The following SLC39A12 variants were observed in gnomAD, a reference collection of about 807,000 sequenced individuals.
The protein encoded by SLC39A12 is zinc transporter ZIP12.
Under a neutral mutation model 71.1 loss-of-function variants are expected in SLC39A12, and 63 were observed. The ratio of observed to expected loss-of-function variants is 0.89; its 90% CI spans 0.72 to 1.09. The LOEUF is 1.09. SLC39A12 is among the 50% of genes least tolerant of loss of function. SLC39A12 has a pLI of 0.00. For synonymous variants in SLC39A12, 351 were observed against 301.3 expected (o/e 1.16, Z -1.71); for missense variants, 892 against 812.6 (o/e 1.10, Z -1.19).
intron 12 of SLC39A12, among the ~76,000 whole-genome samples, chr10:18,020,544 A>G (rs189957689): frequency 8.3e-4 from 127 of 152,260 alleles, no homozygotes; most frequent in Admixed American, 1.5e-3. Flanking sequence ...AGAAATCTCC[A>G]GACTGTTTTC....
intron 12 of SLC39A12, among the ~76,000 whole-genome samples, chr10:18,041,670 T>C (rs1286323037): frequency 3.6e-5 from 4 of 111,934 alleles, no homozygotes; most frequent in African/African-American, 9.9e-5. Context: ...TATGTGTATA[T>C]ATATGTATAT....
At chr10:17,985,809 A>C (rs1835383630) in intron 6 of SLC39A12, among the ~76,000 whole-genome samples, 1 of 151,878 alleles carries the variant, frequency 6.6e-6, no homozygotes, top group South Asian at 2.1e-4. Flanking sequence ...TTTTTCTTTC[A>C]AATAAACTTA....
At chr10:17,987,678 A>G (rs1307564722) in intron 7 of SLC39A12, 27 bp downstream of exon 7, 14 of 1,612,264 alleles carry the variant, frequency 8.7e-6, no homozygotes, top group Non-Finnish European at 1.2e-5. Flanking sequence ...CATTTCAGAT[A>G]AAGTTCACTT....
chr10:18,023,118 G>C (rs1042069088), intron 12 of SLC39A12, among the ~76,000 whole-genome samples: 1 of 152,124 alleles, frequency 6.6e-6, no homozygotes, highest in Non-Finnish European at 1.5e-5. Flanking sequence ...CACAGCCCTG[G>C]AGCAAGCTAA....
chr10:17,967,605 C>T lies in SLC39A12; in HGVS notation c.751+1915C>T, dbSNP rs139664785. Among the ~76,000 whole-genome samples the T allele has an allele frequency of 6.2e-3, 939 of 152,068 alleles. 8 individuals carry two copies. Among genetic ancestry groups the T allele is most frequent in the African/African-American group, 0.017 (717 of 41,482 alleles). On this transcript the variant is annotated intron_variant, in intron 4 of 12. Transcript: ENST00000377369. ...TTTTAAAAATATTTATTTCCCAGGC[C>T]GGGCGCGGTGGCTCACGCCTGTAAT...
chr10:18,043,127 A>G lies in SLC39A12; in HGVS notation c.*294A>G. 5.9e-6 allele frequency: 1 copy of G among 169,986 alleles called. No homozygotes were observed. Among genetic ancestry groups the G allele is most frequent in the Non-Finnish European group, 1.3e-5 (1 of 79,966 alleles). The allele number at this position is 169,986 out of a possible 1,614,324, so 10.5% of individuals were successfully genotyped here. On this transcript the variant is annotated 3_prime_UTR_variant, in exon 13 of 13. Coordinates refer to ENST00000377369, the MANE Select transcript of SLC39A12 (RefSeq NM_001145195.2). ...AATTTTAGTAAACTTTAAAAAATAGATTTTTTCCCTAAGAAAGAATGTTTG... is the reference window on the plus strand; with the variant it reads ...AATTTTAGTAAACTTTAAAAAATAGGTTTTTTCCCTAAGAAAGAATGTTTG...
intron 4 of SLC39A12, among the ~76,000 whole-genome samples, chr10:17,972,785 C>G (rs916383539): frequency 2.7e-5 from 4 of 149,992 alleles, no homozygotes; most frequent in African/African-American, 9.9e-5. Context: ...TTTTTTTTAT[C>G]TATTCTGCTA....
intron 2 of SLC39A12, among the ~76,000 whole-genome samples, chr10:17,960,103 T>G (rs1834649479): frequency 6.6e-6 from 1 of 152,094 alleles, no homozygotes; most frequent in Admixed American, 6.6e-5. Context: ...AGAAAAAAAG[T>G]GAATTTGGAC....
At chr10:17,995,030 A>G (rs761126354) in intron 9 of SLC39A12, among the ~76,000 whole-genome samples, 4 of 152,240 alleles carry the variant, frequency 2.6e-5, no homozygotes, top group Non-Finnish European at 4.4e-5. Context: ...ATCTTACCTC[A>G]TAAAGTCAAT....
chr10:18,003,370 G>A lies in SLC39A12; in HGVS notation c.1947+12G>A. On this transcript the variant is annotated intron_variant, in intron 12 of 12. Coordinates refer to ENST00000377369, the MANE Select transcript of SLC39A12 (RefSeq NM_001145195.2). ...CCTTGGTTGAAATGGTAAGCTTGGT[G>A]GCTTTTCTATTTGATTTTTCTAAGC... The A allele has an allele frequency of 6.3e-7, 1 of 1,588,432 alleles. No individual in the cohort carries two copies. The highest frequency in any genetic ancestry group is 1.2e-5 in the South Asian group (1 of 85,806).
rs138986344 is a variant in SLC39A12 at position 18,017,720 on chromosome 10, G to A, written c.1947+14362G>A. 3.3e-4 allele frequency among the ~76,000 whole-genome samples: 51 copies of A among 152,262 alleles called. No individual in the cohort carries two copies. In the East Asian group the frequency reaches 9.6e-3, roughly 29 times the overall value. ...GTATATAGGTCTATTTCTGGACTCT[G>A]TTATATGCCATTGATCTATTTGTCT... On this transcript the variant is annotated intron_variant, in intron 12 of 12. Transcript: ENST00000377369.
At chr10:17,983,740 C>A (rs1037445745) in intron 6 of SLC39A12, among the ~76,000 whole-genome samples, 1 of 152,060 alleles carries the variant, frequency 6.6e-6, no homozygotes, top group Non-Finnish European at 1.5e-5. Flanking sequence ...CAAGATTGCA[C>A]CATTGCACTC....
intron 10 of SLC39A12, among the ~76,000 whole-genome samples, chr10:17,997,798 C>A (rs1219074749): frequency 6.6e-6 from 1 of 152,162 alleles, no homozygotes; most frequent in Non-Finnish European, 1.5e-5. Flanking sequence ...TGCAAAAATT[C>A]AATCCACAGT....
intron 9 of SLC39A12, 109 bp from the exon 10 acceptor site, chr10:17,995,547 A>G (rs1395365668): frequency 1.1e-6 from 1 of 892,868 alleles, no homozygotes; most frequent in Non-Finnish European, 1.8e-6. Flanking sequence ...ATACATCTAG[A>G]GTACTAAAAT....
At position 17,959,907 on chromosome 10, in the gene SLC39A12, G is replaced by T. The variant is rs539832434; in HGVS notation, c.262-1674G>T. 5.3e-5 allele frequency among the ~76,000 whole-genome samples: 8 copies of T among 152,236 alleles called. No homozygotes were observed. In the East Asian group the frequency reaches 1.5e-3, roughly 29 times the overall value. On this transcript the variant is annotated intron_variant, in intron 2 of 12. Coordinates refer to ENST00000377369, the MANE Select transcript of SLC39A12 (RefSeq NM_001145195.2). ...CTAACATCTTAAATTCTGTAGCTGG[G>T]GCTTGTGAACGAAATGGACAAAAGA...
intron 7 of SLC39A12, among the ~76,000 whole-genome samples, chr10:17,989,239 G>A (rs12782151): frequency 0.3 from 46,265 of 152,148 alleles, 8,127 homozygotes; most frequent in Non-Finnish European, 0.4. Flanking sequence ...GCCTCTGGCA[G>A]TTTCCTGCAG....
intron 6 of SLC39A12, among the ~76,000 whole-genome samples, chr10:17,986,543 G>A (rs1835402743): frequency 6.6e-6 from 1 of 152,076 alleles, no homozygotes; most frequent in Non-Finnish European, 1.5e-5. Context: ...CATTCAACAG[G>A]GGTGAAGAGT....
At chr10:18,009,092 A>G (rs893109723) in intron 12 of SLC39A12, among the ~76,000 whole-genome samples, 3 of 152,200 alleles carry the variant, frequency 2.0e-5, no homozygotes, top group Non-Finnish European at 4.4e-5. Flanking sequence ...GGGTTATGCC[A>G]AGGGAGGGTT....
In SLC39A12 at chr10:18,036,746, TTATATA is replaced by T. The variant is rs1195629854; in HGVS notation, c.1948-5915_1948-5910del. ...CATCTTGCAGTTAGCATTTTAAAAATTATATATATATATATATATATATATATATAT... is the reference window on the plus strand; with the variant it reads ...CATCTTGCAGTTAGCATTTTAAAAATTATATATATATATATATATATATAT... On this transcript the variant is annotated intron_variant, in intron 12 of 12. Transcript: ENST00000377369. Among the ~76,000 whole-genome samples, 158 of 37,456 alleles carry T rather than the reference TTATATA, an allele frequency of 4.2e-3. 1 individual carries two copies. Among genetic ancestry groups the T allele is most frequent in the Non-Finnish European group, 5.4e-3 (103 of 18,960 alleles). 24.6% of individuals were successfully genotyped at this position (37,456 alleles called of 152,430 possible).
Sources: allele counts gnomAD v4.1 joint callset (sites outside exome capture counted in the v4.1 genomes callset), GRCh38; gene constraint gnomAD v4.1.1; transcripts MANE v1.5; gene names NCBI Gene and HGNC (gene_info 2026-07-23, HGNC 2026-07-21).